The following PTPRD variants were observed in gnomAD, a reference collection of about 807,000 sequenced individuals.
PTPRD encodes receptor-type tyrosine-protein phosphatase delta.
PTPRD carries 34 observed loss-of-function variants against 214.5 expected under a neutral mutation model. The ratio of observed to expected loss-of-function variants is 0.16; its 90% CI spans 0.12 to 0.21. The LOEUF (loss-of-function observed/expected upper bound fraction) is 0.21, where lower values mean the gene tolerates loss of function less well. PTPRD is among the 10% of genes least tolerant of loss of function. The pLI is 1.00. For missense variants in PTPRD, 2,545 were observed against 2,398.7 expected (o/e 1.06, Z -1.27); for synonymous variants, 1,128 against 845.7 (o/e 1.33, Z -5.79).
chr9:9,727,289 A>T (rs542995633), intron 7 of PTPRD, among the ~76,000 whole-genome samples: 1 of 152,034 alleles, frequency 6.6e-6, no homozygotes, highest in Non-Finnish European at 1.5e-5. Context: ...ATTTCTACTA[A>T]AAATACAAAA....
intron 39 of PTPRD, among the ~76,000 whole-genome samples, chr9:8,373,854 G>GTA (rs1554816341): frequency 7.7e-5 from 10 of 129,246 alleles, no homozygotes; most frequent in South Asian, 2.8e-4. Context: ...GTATGTGTAT[G>GTA]TGTCTGTCTG....
At chr9:9,618,586 T>C (rs1201511435) in intron 7 of PTPRD, among the ~76,000 whole-genome samples, 1 of 152,010 alleles carries the variant, frequency 6.6e-6, no homozygotes, top group Non-Finnish European at 1.5e-5. Flanking sequence ...ATCTTAATCT[T>C]TGGAAACTGT....
At chr9:9,601,088 A>T (rs968861560) in intron 7 of PTPRD, among the ~76,000 whole-genome samples, 6 of 146,578 alleles carry the variant, frequency 4.1e-5, no homozygotes, top group Non-Finnish European at 9.0e-5. Flanking sequence ...CAGGATAAAT[A>T]CACTGGGAAA....
At chr9:10,096,373 T>C (rs2098484549) in intron 3 of PTPRD, among the ~76,000 whole-genome samples, 1 of 151,858 alleles carries the variant, frequency 6.6e-6, no homozygotes, top group Non-Finnish European at 1.5e-5. Context: ...TAAAAAATGC[T>C]ACTTCTCCAC....
intron 11 of PTPRD, among the ~76,000 whole-genome samples, chr9:8,740,052 A>G (rs1434760224): frequency 6.6e-6 from 1 of 152,170 alleles, no homozygotes; most frequent in Non-Finnish European, 1.5e-5. Context: ...CTAATACACT[A>G]ACCCACCCAT....
chr9:8,359,111 AAAAAAAAAAAACAAAAAAAAAAAAAAAC>A (rs1275644870), intron 39 of PTPRD, among the ~76,000 whole-genome samples: 1 of 25,386 alleles, frequency 3.9e-5, no homozygotes, highest in Non-Finnish European at 9.3e-5. Flanking sequence ...CCGTCTCAAA[AAAAAAAAAAAACAAAAAAAAAAAAAAAC>A]AAAAAAAAAT....
chr9:10,158,410 A>C (rs892778152), intron 3 of PTPRD, among the ~76,000 whole-genome samples: 13 of 151,854 alleles, frequency 8.6e-5, no homozygotes, highest in Non-Finnish European at 1.9e-4. Flanking sequence ...TTTAGTGATA[A>C]CCCCCATTTT....
chr9:9,328,168 A>G (rs1054545964), intron 9 of PTPRD, among the ~76,000 whole-genome samples: 1 of 152,156 alleles, frequency 6.6e-6, no homozygotes, highest in African/African-American at 2.4e-5. Context: ...AAAGTTAGCA[A>G]AAAAGTTGAG....
intron 11 of PTPRD, among the ~76,000 whole-genome samples, chr9:8,840,171 C>G (rs547487102): frequency 6.6e-6 from 1 of 152,228 alleles, no homozygotes; most frequent in South Asian, 2.1e-4. Context: ...GTAGAACTAC[C>G]TTTGGTTTAA....
intron 11 of PTPRD, among the ~76,000 whole-genome samples, chr9:8,736,950 T>C (rs1340241965): frequency 1.3e-5 from 2 of 152,192 alleles, no homozygotes; most frequent in South Asian, 2.1e-4. Context: ...CCCATCCTCA[T>C]GCCAGCATTT....
At chr9:10,404,475 A>G (rs1486608214) in intron 2 of PTPRD, among the ~76,000 whole-genome samples, 5 of 151,778 alleles carry the variant, frequency 3.3e-5, no homozygotes, top group African/African-American at 1.2e-4. Flanking sequence ...TTTCAAAAGT[A>G]CATAATCTTT....
At chr9:9,287,233 A>T (rs1949780125) in intron 9 of PTPRD, among the ~76,000 whole-genome samples, 1 of 151,530 alleles carries the variant, frequency 6.6e-6, no homozygotes, top group African/African-American at 2.4e-5. Context: ...ATCCCACCCC[A>T]AAACAAAAGG....
At chr9:8,755,272 G>A (rs2093901760) in intron 11 of PTPRD, among the ~76,000 whole-genome samples, 1 of 150,926 alleles carries the variant, frequency 6.6e-6, no homozygotes, top group African/African-American at 2.5e-5. Context: ...GCTCACGCCT[G>A]TAATCCCAGC....
intron 10 of PTPRD, among the ~76,000 whole-genome samples, chr9:9,063,129 T>C (rs1293054554): frequency 3.3e-5 from 5 of 152,068 alleles, no homozygotes; most frequent in African/African-American, 1.2e-4. Flanking sequence ...AGTCAAGAGA[T>C]CCCAACATTT....
At chr9:10,039,473 A>G (rs2097256163) in intron 3 of PTPRD, among the ~76,000 whole-genome samples, 1 of 152,114 alleles carries the variant, frequency 6.6e-6, no homozygotes, top group Non-Finnish European at 1.5e-5. Flanking sequence ...ATACAATAGA[A>G]GTTGCAATTA....
intron 10 of PTPRD, among the ~76,000 whole-genome samples, chr9:9,129,380 C>T (rs960479569): frequency 2.0e-5 from 3 of 151,926 alleles, no homozygotes; most frequent in Non-Finnish European, 4.4e-5. Flanking sequence ...ACAGAGACTC[C>T]GTCTCAATAA....
intron 9 of PTPRD, among the ~76,000 whole-genome samples, chr9:9,369,146 T>C (rs1434234352): frequency 1.3e-5 from 2 of 152,112 alleles, no homozygotes; most frequent in Non-Finnish European, 2.9e-5. Context: ...CACATTTTCT[T>C]AATCTAGTCT....
intron 14 of PTPRD, among the ~76,000 whole-genome samples, chr9:8,533,365 G>T (rs566331512): frequency 1.3e-5 from 2 of 152,068 alleles, no homozygotes; most frequent in South Asian, 4.1e-4. Context: ...GTTTGCCATG[G>T]TATTGGGAAA....
chr9:8,566,355 C>T (rs554498135), intron 14 of PTPRD, among the ~76,000 whole-genome samples: 5 of 152,212 alleles, frequency 3.3e-5, no homozygotes, highest in Non-Finnish European at 7.4e-5. Flanking sequence ...ACTCATGTTC[C>T]TAAGTAACAG....
Sources: gnomAD v4.1 joint callset for allele counts (sites outside exome capture counted in the v4.1 genomes callset) on GRCh38, gnomAD v4.1.1 for gene constraint, MANE v1.5 for transcripts, NCBI Gene and HGNC (gene_info 2026-07-23, HGNC 2026-07-21) for gene names.